Variants in PNPLA6 observed in about 807,000 individuals in gnomAD.
The protein encoded by PNPLA6 is patatin like domain 6, lysophospholipase, also known as patatin-like phospholipase domain-containing protein 6.
PNPLA6 carries 105 observed loss-of-function variants against 153.7 expected under a neutral mutation model. The observed-to-expected ratio is 0.68, with a 90% CI of 0.58 to 0.80. The LOEUF is 0.80. Ranked by LOEUF, PNPLA6 falls within the 30% of genes least tolerant of loss-of-function variation. The probability of loss-of-function intolerance (pLI) is 0.00; values close to 1 mark genes in which losing one functional copy is unlikely to be tolerated. For missense variants in PNPLA6, 1,423 were observed against 1,919.3 expected (o/e 0.74, Z 4.83); for synonymous variants, 825 against 822.2 (o/e 1.00, Z -0.06).
chr19:7,551,440 G>A lies in PNPLA6; in HGVS notation c.2260+3G>A. ...GCAGCTGCAAGGACCCTTCCCAGGT[G>A]AGAGCCGGCCGGCCCAGAGCGTGCT... On this transcript the variant is annotated splice_donor_region_variant and intron_variant, in intron 18 of 31. Coordinates refer to ENST00000600737, the MANE Select transcript of PNPLA6 (RefSeq NM_001166114.2). The A allele has an allele frequency of 6.2e-7, 1 of 1,613,336 alleles. No homozygotes were observed. The highest frequency in any genetic ancestry group is 2.2e-5 in the East Asian group (1 of 44,866).
chr19:7,540,830 C>A lies in PNPLA6; in HGVS notation c.796-93C>A. 1 of 1,585,860 alleles carries A rather than the reference C, an allele frequency of 6.3e-7. No individual in the cohort carries two copies. The highest frequency in any genetic ancestry group is 8.7e-7 in the Non-Finnish European group (1 of 1,155,086). On this transcript the variant is annotated intron_variant, in intron 6 of 31. Coordinates refer to ENST00000600737, the MANE Select transcript of PNPLA6 (RefSeq NM_001166114.2). This position sits in a 1 kb window ranked among gnomAD's most constrained non-coding sequence, Gnocchi z 6.8. ...TCATCCGTTATGCTGCCGATGGCCC[C>A]TCACGGGACTGGCGCCAGGAAGGAT...
In PNPLA6 at chr19:7,540,225, G is replaced by A; in HGVS notation, c.631G>A (p.Asp211Asn). The change falls in exon 5 of 32, where the codon GAC (aspartate) becomes AAC (asparagine). Residue 211 changes from aspartate to asparagine, a missense_variant. By Grantham distance (23) the Asp-to-Asn change is conservative. Around this residue, in one of 10 missense-constraint regions of PNPLA6, gnomAD observed 118 missense variants for 158.8 expected, o/e 0.74. Coordinates refer to ENST00000600737, the MANE Select transcript of PNPLA6 (RefSeq NM_001166114.2). The surrounding 1 kb of genome is among the most constrained non-coding windows in gnomAD (Gnocchi z 6.8). ...HMVFQRLGQG[D>N]YVFRPGQPDA... ...GGTCTTCCAGCGGCTGGGCCAGGGT[G>A]ACTACGTCTTCCGGCCGGGCCAGCC... The A allele has an allele frequency of 6.2e-7, 1 of 1,609,970 alleles. No individual in the cohort carries two copies. Among genetic ancestry groups the A allele is most frequent in the Non-Finnish European group, 8.5e-7 (1 of 1,180,004 alleles).
rs1314725980 is a variant in PNPLA6 at position 7,541,167 on chromosome 19, C to T, written c.924+116C>T. ...CAGCAGGCGCTGGAGCTGTGGTTAT[C>T]GGCCTGGAGCAGCCAGATGTCTGCA... On this transcript the variant is annotated intron_variant, in intron 7 of 31. Coordinates refer to ENST00000600737, the MANE Select transcript of PNPLA6 (RefSeq NM_001166114.2). The surrounding 1 kb of genome is among the most constrained non-coding windows in gnomAD (Gnocchi z 5.2). The T allele has an allele frequency of 6.1e-6, 8 of 1,302,036 alleles. No homozygotes were observed. Among genetic ancestry groups the T allele is most frequent in the South Asian group, 2.5e-5 (2 of 79,434 alleles). The allele number at this position is 1,302,036 out of a possible 1,614,324, so 80.7% of individuals were successfully genotyped here. A position where few individuals can be genotyped will look rare whatever the true frequency, so the allele number is the denominator to read the frequency against.
In PNPLA6 at chr19:7,541,854, G is replaced by C. The variant is rs1440020259; in HGVS notation, c.1169-130G>C. 6 of 1,097,310 alleles carry C rather than the reference G, an allele frequency of 5.5e-6. No individual in the cohort carries two copies. Among genetic ancestry groups the C allele is most frequent in the Non-Finnish European group, 8.1e-6 (6 of 736,898 alleles). 68.0% of individuals were successfully genotyped at this position (1,097,310 alleles called of 1,614,324 possible). A position where few individuals can be genotyped will look rare whatever the true frequency, so the allele number is the denominator to read the frequency against. On this transcript the variant is annotated intron_variant, in intron 9 of 31. Transcript: ENST00000600737. This position sits in a 1 kb window ranked among gnomAD's most constrained non-coding sequence, Gnocchi z 5.2. ...CCTATCTGGTACCGAGGAAGCTGTGGCCTCGTCCCCAAGGGCCCATTGGAA... is the reference window on the plus strand; with the variant it reads ...CCTATCTGGTACCGAGGAAGCTGTGCCCTCGTCCCCAAGGGCCCATTGGAA...
In PNPLA6 at chr19:7,541,462, G is replaced by A. The variant is rs765303915; in HGVS notation, c.1005+28G>A. ...GAGTGGGTGGCGGGGAGCGAGCACA[G>A]GGGGGATGGGGGCGAGGTCTCCCTC... On this transcript the variant is annotated intron_variant, in intron 8 of 31. Transcript: ENST00000600737. The surrounding 1 kb of genome is among the most constrained non-coding windows in gnomAD (Gnocchi z 5.2). 2 of 1,612,004 alleles carry A rather than the reference G, an allele frequency of 1.2e-6. No individual in the cohort carries two copies. The highest frequency in any genetic ancestry group is 1.7e-6 in the Non-Finnish European group (2 of 1,178,528).
rs2023205105 is a variant in PNPLA6 at position 7,542,636 on chromosome 19, A to G, written c.1328A>G (p.Glu443Gly). 1.9e-6 allele frequency: 3 copies of G among 1,613,442 alleles called. No homozygotes were observed. Among genetic ancestry groups the G allele is most frequent in the Non-Finnish European group, 2.5e-6 (3 of 1,179,952 alleles). Residue 443 changes from glutamate (E) to glycine (G), a missense_variant, in exon 11 of 32, where the codon GAG (glutamate) becomes GGG (glycine). Glu to Gly is a moderately conservative substitution (Grantham distance 98). Around this residue, in one of 10 missense-constraint regions of PNPLA6, gnomAD observed 267 missense variants for 255.1 expected, o/e 1.05. Coordinates refer to ENST00000600737, the MANE Select transcript of PNPLA6 (RefSeq NM_001166114.2). ...RGRISVSLQEEASGGSLAAPA... is the reference protein window; with the variant it reads ...RGRISVSLQEGASGGSLAAPA... The stretch of plus-strand genomic sequence containing the variant: ...CGGATCTCCGTGTCCCTGCAGGAAG[A>G]GGCCTCCGGGGGGTCCCTGGCAGCC...
In PNPLA6 at chr19:7,553,943, A is replaced by G. The variant is rs752227045; in HGVS notation, c.2329A>G (p.Ile777Val). ...AGCCAGCAACCTGGCAACTGTGGCA[A>G]TCCTGCCTGTGTGTGCTGAGGTCCC... Reference protein sequence around the residue: ...NPASNLATVAILPVCAEVPMV... With the variant: ...NPASNLATVAVLPVCAEVPMV... The change falls in exon 19 of 32, where the codon ATC (isoleucine) becomes GTC (valine). Residue 777 changes from isoleucine (I) to valine (V), a missense_variant. Physicochemically the swap from Ile to Val is conservative, Grantham distance 29. This residue lies in a region of PNPLA6 where 3 missense variants were observed against 17.4 expected (regional missense o/e 0.17). Coordinates refer to ENST00000600737, the MANE Select transcript of PNPLA6 (RefSeq NM_001166114.2). 1.2e-5 allele frequency: 19 copies of G among 1,613,952 alleles called. No homozygotes were observed. In the South Asian group the frequency reaches 1.8e-4, roughly 15 times the overall value.
chr19:7,542,049 A>T lies in PNPLA6; in HGVS notation c.1234A>T (p.Met412Leu), dbSNP rs1182861534. The T allele has an allele frequency of 3.1e-6, 5 of 1,606,656 alleles. No individual in the cohort carries two copies. The highest frequency in any genetic ancestry group is 1.3e-5 in the African/African-American group (1 of 74,998). ...SAPLLSRCVS[M>L]PGDISGLQGG... is the part of the protein sequence containing the mutation. ...CCCTCTGCTGAGCCGCTGCGTCTCC[A>T]TGCCAGGGGACATCTCAGGTTTGGA... The change falls in exon 10 of 32, where the codon ATG becomes TTG. Residue 412 changes from methionine (M) to leucine (L), a missense_variant. Around this residue, in one of 10 missense-constraint regions of PNPLA6, gnomAD observed 267 missense variants for 255.1 expected, o/e 1.05. Coordinates refer to ENST00000600737, the MANE Select transcript of PNPLA6 (RefSeq NM_001166114.2).
At position 7,555,570 on chromosome 19, in the gene PNPLA6, G is replaced by C; in HGVS notation, c.2937-37G>C. The stretch of plus-strand genomic sequence containing the variant: ...AGGGGCAGGGGAGTTCCTGCAGGTG[G>C]GGCCTAGCGGGTCACTGGGGCCCAT... On this transcript the variant is annotated intron_variant, in intron 23 of 31. Coordinates refer to ENST00000600737, the MANE Select transcript of PNPLA6 (RefSeq NM_001166114.2). This position sits in a 1 kb window ranked among gnomAD's most constrained non-coding sequence, Gnocchi z 6.3. The C allele has an allele frequency of 1.2e-6, 2 of 1,606,724 alleles. No individual in the cohort carries two copies. The highest frequency in any genetic ancestry group is 1.7e-6 in the Non-Finnish European group (2 of 1,176,510).
chr19:7,536,955 A>G (rs1395005480), intron 3 of PNPLA6, among the ~76,000 whole-genome samples: 2 of 149,958 alleles, frequency 1.3e-5, no homozygotes, highest in Non-Finnish European at 3.0e-5. Context: ...AAAAAAAAGA[A>G]GAAGAAGAAG....
At chr19:7,556,265 G>T (rs1288855196) in intron 24 of PNPLA6, among the ~76,000 whole-genome samples, 188 bp from the exon 25 acceptor site, 1 of 151,876 alleles carries the variant, frequency 6.6e-6, no homozygotes, top group African/African-American at 2.4e-5. Flanking sequence ...GTTTCACCAT[G>T]TTGGCTAGGC....
rs775359901 is a variant in PNPLA6 at position 7,550,314 on chromosome 19, C to T, written c.1831C>T (p.Pro611Ser). 6.2e-7 allele frequency: 1 copy of T among 1,612,816 alleles called. No individual in the cohort carries two copies. Among genetic ancestry groups the T allele is most frequent in the Non-Finnish European group, 8.5e-7 (1 of 1,180,042 alleles). The part of the protein sequence containing the change: ...SDFYEIMRAQ[P>S]SVVLSAAHTV... ...TTCCTGCAGGATCATGCGCGCACAGCCCAGTGTGGTGCTGAGTGCGGCGCA... is the reference window on the plus strand; with the variant it reads ...TTCCTGCAGGATCATGCGCGCACAGTCCAGTGTGGTGCTGAGTGCGGCGCA... Residue 611 changes from proline (P) to serine (S), a missense_variant, in exon 15 of 32, where the codon CCC becomes TCC. Pro to Ser is a moderately conservative substitution (Grantham distance 74). Around this residue, in one of 10 missense-constraint regions of PNPLA6, gnomAD observed 119 missense variants for 163.7 expected, o/e 0.73. Transcript: ENST00000600737.
chr19:7,557,178 G>A lies in PNPLA6; in HGVS notation c.3291G>A (p.Trp1097Ter). Residue 1097 changes from tryptophan to a stop codon, truncating the protein, a stop_gained, in exon 27 of 32, where the codon TGG becomes TGA. Transcript: ENST00000600737. LOFTEE classifies it high-confidence loss of function. ...AMRVHKDGSL[W>*]RYVRASMTLS... ...TGTCCCACCGCGCAGGCTCCCTGTG[G>A]CGGTACGTGCGCGCCAGCATGACGC... 2.5e-6 allele frequency: 4 copies of A among 1,612,120 alleles called. No homozygotes were observed. The highest frequency in any genetic ancestry group is 3.4e-6 in the Non-Finnish European group (4 of 1,179,270).
At chr19:7,544,363 C>T (rs910648547) in intron 13 of PNPLA6, among the ~76,000 whole-genome samples, 4 of 152,034 alleles carry the variant, frequency 2.6e-5, no homozygotes, top group Non-Finnish European at 5.9e-5. Flanking sequence ...CCGCCTGCCT[C>T]GGCCTCCCAA....
At chr19:7,561,467 G>A (rs765265645) in intron 31 of PNPLA6, 21 bp from the exon 32 acceptor site, 2 of 1,594,876 alleles carry the variant, frequency 1.3e-6, no homozygotes, top group East Asian at 4.5e-5. Context: ...TGGGTGACGT[G>A]TGTGTGACCT....
rs773675660 is a variant in PNPLA6 at position 7,540,305 on chromosome 19, G to A, written c.711G>A (p.Gly237=). The change falls in exon 5 of 32, where the codon GGG becomes GGA. Residue 237 remains glycine, a synonymous_variant. Coordinates refer to ENST00000600737, the MANE Select transcript of PNPLA6 (RefSeq NM_001166114.2). The surrounding 1 kb of genome is among the most constrained non-coding windows in gnomAD (Gnocchi z 6.8). ...QDGLLELCLP[G]PDGKECVVKE... ...GGCTGCTGGAGCTCTGTCTGCCAGG[G>A]CCTGTGAGTGGGCCTCCCCAGGGGC... 4 of 1,603,934 alleles carry A rather than the reference G, an allele frequency of 2.5e-6. No individual in the cohort carries two copies. Among genetic ancestry groups the A allele is most frequent in the Admixed American group, 1.7e-5 (1 of 59,892 alleles).
intron 3 of PNPLA6, among the ~76,000 whole-genome samples, chr19:7,537,609 T>C (rs1379385202): frequency 2.6e-5 from 4 of 152,254 alleles, no homozygotes; most frequent in African/African-American, 7.2e-5. Flanking sequence ...CCATGATCAA[T>C]AGTCCTGCAA....
chr19:7,550,976 A>T lies in PNPLA6; in HGVS notation c.2071-18A>T. ...ATTCCCCACCCAAGCAGCCCCAATC[A>T]TGCACGCGGCCCCCCAGGTGGAGGC... On this transcript the variant is annotated intron_variant, in intron 16 of 31. Coordinates refer to ENST00000600737, the MANE Select transcript of PNPLA6 (RefSeq NM_001166114.2). 1 of 1,514,136 alleles carries T rather than the reference A, an allele frequency of 6.6e-7. No homozygotes were observed. 93.8% of individuals were successfully genotyped at this position (1,514,136 alleles called of 1,614,324 possible).
chr19:7,554,630 C>G lies in PNPLA6; in HGVS notation c.2541C>G (p.Asp847Glu). 2.5e-6 allele frequency: 4 copies of G among 1,614,080 alleles called. No homozygotes were observed. Among genetic ancestry groups the G allele is most frequent in the Non-Finnish European group, 3.4e-6 (4 of 1,180,016 alleles). The stretch of plus-strand genomic sequence containing the variant: ...ACCGTATCGTACTCTACCAGACGGA[C>G]GCCTCGCTGACGCCCTGGACCGTGC... ...DAHRIVLYQTDASLTPWTVRC... is the reference protein window; with the variant it reads ...DAHRIVLYQTEASLTPWTVRC... Residue 847 changes from aspartate (D) to glutamate (E), a missense_variant, in exon 21 of 32, where the codon GAC (aspartate) becomes GAG (glutamate). Physicochemically the swap from Asp to Glu is conservative, Grantham distance 45. Transcript: ENST00000600737.
Sources: allele counts gnomAD v4.1 joint callset (sites outside exome capture counted in the v4.1 genomes callset), GRCh38; gene constraint gnomAD v4.1.1; regional missense constraint gnomAD v4.1.1; non-coding constraint Gnocchi (gnomAD v3.1); transcripts MANE v1.5; gene names NCBI Gene and HGNC (gene_info 2026-07-23, HGNC 2026-07-21).